Variants in CNR1 observed in about 807,000 individuals in gnomAD.
CNR1 encodes the protein cannabinoid receptor 1, also known as cannabinoid receptor 1 (brain).
A neutral mutation model predicts 23.0 loss-of-function variants in CNR1; 10 were observed. The ratio of observed to expected loss-of-function variants is 0.43; its 90% CI spans 0.27 to 0.74. The LOEUF is 0.74. Among genes scored for constraint, CNR1 ranks in the 30% least tolerant of loss-of-function variants. The probability of loss-of-function intolerance (pLI) is 0.19; values close to 1 mark genes in which losing one functional copy is unlikely to be tolerated. For synonymous variants in CNR1, 271 were observed against 255.2 expected (o/e 1.06, Z -0.59); for missense variants, 422 against 618.8 (o/e 0.68, Z 3.37).
At chr6:88,146,076 C>T (rs1348871268) in intron 1 of CNR1, among the ~76,000 whole-genome samples, 1 of 152,152 alleles carries the variant, frequency 6.6e-6, no homozygotes, top group Non-Finnish European at 1.5e-5. Flanking sequence ...TGCAATGAGG[C>T]GTATAGGAAG....
intron 1 of CNR1, among the ~76,000 whole-genome samples, chr6:88,159,317 A>T (rs1337448057): frequency 1.3e-5 from 2 of 152,322 alleles, no homozygotes; most frequent in East Asian, 3.9e-4. Flanking sequence ...CTAAAATGAA[A>T]ATTTTGCTGT....
chr6:88,152,987 T>C (rs372186263), intron 1 of CNR1, among the ~76,000 whole-genome samples: 4 of 152,216 alleles, frequency 2.6e-5, no homozygotes, highest in African/African-American at 4.8e-5. Flanking sequence ...AAAAGAATGA[T>C]TGAATGACAT....
intron 1 of CNR1, chr6:88,147,942 C>T (rs1777294927): frequency 6.6e-6 from 1 of 152,520 alleles, no homozygotes; most frequent in Non-Finnish European, 1.5e-5. Context: ...AGGCTCTTGT[C>T]CTTAATACTC....
intron 1 of CNR1, among the ~76,000 whole-genome samples, chr6:88,164,973 G>A (rs567523741): frequency 6.6e-6 from 1 of 152,154 alleles, no homozygotes; most frequent in Admixed American, 6.5e-5. Flanking sequence ...CAACAACAAA[G>A]GCAAGAATAG....
rs766054760 is a variant in CNR1, at chr6:88,143,823, T to C, written c.*33A>G. Reference sequence around the variant, plus strand: ...TAGATTTTGAGCTTAAAAAAAAAAATTCTTTTCCTGTGCTGCCAGGGAGGC... The same window carrying C: ...TAGATTTTGAGCTTAAAAAAAAAAACTCTTTTCCTGTGCTGCCAGGGAGGC... On this transcript the variant is annotated 3_prime_UTR_variant, in exon 2 of 2. Coordinates refer to ENST00000369501, the MANE Select transcript of CNR1 (RefSeq NM_016083.6). 2.6e-6 allele frequency: 4 copies of C among 1,537,684 alleles called. No homozygotes were observed. The highest frequency in any genetic ancestry group is 3.5e-6 in the Non-Finnish European group (4 of 1,131,904).
intron 1 of CNR1, among the ~76,000 whole-genome samples, chr6:88,156,847 C>T (rs1358370653): frequency 6.6e-6 from 1 of 152,226 alleles, no homozygotes; most frequent in Non-Finnish European, 1.5e-5. Flanking sequence ...GCCAGCTGAT[C>T]ATGAGGGCAT....
At chr6:88,152,885 T>A (rs972796282) in intron 1 of CNR1, among the ~76,000 whole-genome samples, 1 of 152,234 alleles carries the variant, frequency 6.6e-6, no homozygotes, top group African/African-American at 2.4e-5. Flanking sequence ...TTTGTTTTTG[T>A]TTGCTACTAG....
At chr6:88,156,454 A>G (rs542696029) in intron 1 of CNR1, among the ~76,000 whole-genome samples, 171 of 152,304 alleles carry the variant, frequency 1.1e-3, no homozygotes, top group African/African-American at 4.0e-3. Context: ...CACCTCGAAT[A>G]CAGCCCACCC....
chr6:88,166,533 C>T (rs1020164453), upstream of CNR1, among the ~76,000 whole-genome samples: 2 of 152,146 alleles, frequency 1.3e-5, no homozygotes, highest in Non-Finnish European at 2.9e-5. Context: ...GGCGCCAGCC[C>T]TGGGGCCAGA....
rs983465460 is a variant in CNR1 at position 88,140,923 on chromosome 6, C to T, written c.*2933G>A. The T allele has an allele frequency of 2.4e-4, 36 of 152,252 alleles. No individual in the cohort carries two copies. Among genetic ancestry groups the T allele is most frequent in the African/African-American group, 8.7e-4 (36 of 41,478 alleles). The allele number at this position is 152,252 out of a possible 1,614,324, so 9.4% of individuals were successfully genotyped here. ...AATCAGAGGTTCCTCTTGGAGGCAG[C>T]CCTACTTGTGCAAATGAAACATTCT... On this transcript the variant is annotated 3_prime_UTR_variant, in exon 2 of 2. Coordinates refer to ENST00000369501, the MANE Select transcript of CNR1 (RefSeq NM_016083.6).
intron 1 of CNR1, among the ~76,000 whole-genome samples, chr6:88,150,851 T>C (rs114898669): frequency 1.3e-5 from 2 of 152,122 alleles, no homozygotes; most frequent in Non-Finnish European, 2.9e-5. Flanking sequence ...TGGAGTTGTT[T>C]AGCAAACATA....
chr6:88,146,485 G>A (rs568522400), intron 1 of CNR1, among the ~76,000 whole-genome samples: 22 of 152,320 alleles, frequency 1.4e-4, no homozygotes, highest in Non-Finnish European at 2.5e-4. Context: ...TGACACAAGT[G>A]TGCCTGGTGA....
At chr6:88,163,594 C>T (rs1453762154) in intron 1 of CNR1, among the ~76,000 whole-genome samples, 1 of 152,210 alleles carries the variant, frequency 6.6e-6, no homozygotes, top group Non-Finnish European at 1.5e-5. Flanking sequence ...GTTTCTCAGG[C>T]TTTGCCTTAG....
At chr6:88,157,842 T>G (rs1378443206) in intron 1 of CNR1, among the ~76,000 whole-genome samples, 1 of 152,182 alleles carries the variant, frequency 6.6e-6, no homozygotes, top group African/African-American at 2.4e-5. Context: ...GGGACTAAAA[T>G]GGAATATTTA....
intron 1 of CNR1, among the ~76,000 whole-genome samples, chr6:88,148,677 T>C (rs757913756): frequency 3.9e-5 from 6 of 152,224 alleles, no homozygotes; most frequent in Admixed American, 2.0e-4. Flanking sequence ...AAGCTGCCTA[T>C]ATAATTATCT....
rs1179665864 is a variant in CNR1, at chr6:88,143,999, T to C, written c.1276A>G (p.Met426Val). Reference protein sequence around the residue: ...EGTAQPLDNSMGDSDCLHKHA... With the variant: ...EGTAQPLDNSVGDSDCLHKHA... ...TTGTGCAGGCAGTCCGAGTCCCCCA[T>C]GCTGTTATCCAGAGGCTGCGCAGTG... The change falls in exon 2 of 2, where the codon ATG becomes GTG. Residue 426 changes from methionine to valine, a missense_variant. Coordinates refer to ENST00000369501, the MANE Select transcript of CNR1 (RefSeq NM_016083.6). 1 of 1,613,994 alleles carries C rather than the reference T, an allele frequency of 6.2e-7. No homozygotes were observed. The highest frequency in any genetic ancestry group is 2.2e-5 in the East Asian group (1 of 44,864).
Position 88,145,005 on chromosome 6 carries a change from C to G in CNR1, c.270G>C (p.Lys90Asn). The G allele has an allele frequency of 1.2e-6, 2 of 1,614,130 alleles. No homozygotes were observed. The highest frequency in any genetic ancestry group is 1.7e-6 in the Non-Finnish European group (2 of 1,180,022). The change falls in exon 2 of 2, where the codon AAG (lysine) becomes AAC (asparagine). Residue 90 changes from lysine to asparagine, a missense_variant. Physicochemically the swap from Lys to Asn is moderately conservative, Grantham distance 94. This residue lies in a region of CNR1 where 120 missense variants were observed against 117.6 expected (regional missense o/e 1.02). Transcript: ENST00000369501. ...EFYNKSLSSFKENEENIQCGE... is the reference protein window; with the variant it reads ...EFYNKSLSSFNENEENIQCGE... ...CACACTGGATGTTCTCCTCATTCTC[C>G]TTGAAGGACGAGAGAGACTTGTTGT...
chr6:88,167,173 G>C (rs1217122966), upstream of CNR1, among the ~76,000 whole-genome samples: 2 of 152,076 alleles, frequency 1.3e-5, no homozygotes, highest in Non-Finnish European at 2.9e-5. Context: ...GGCCACCCGG[G>C]GCCCCGCTCC....
intron 1 of CNR1, among the ~76,000 whole-genome samples, chr6:88,161,529 T>C (rs1778106357): frequency 6.6e-6 from 1 of 152,250 alleles, no homozygotes; most frequent in South Asian, 2.1e-4. Context: ...AATATATACA[T>C]GCAACTAACT....
Sources: allele counts gnomAD v4.1 joint callset (sites outside exome capture counted in the v4.1 genomes callset), GRCh38; gene constraint gnomAD v4.1.1; regional missense constraint gnomAD v4.1.1; transcripts MANE v1.5; gene names NCBI Gene and HGNC (gene_info 2026-07-23, HGNC 2026-07-21).